SPMIP2: variants seen among roughly 807,000 people sequenced by gnomAD.
SPMIP2 encodes the protein sperm microtubule inner protein 2, also known as protein SPMIP2.
chr4:159,002,668 T>C, the SPMIP2 span, among the ~76,000 whole-genome samples: 1 of 152,210 alleles, frequency 6.6e-6, no homozygotes, highest in African/African-American at 2.4e-5. Flanking sequence ...TCAATTGTTT[T>C]TGTATATGGA....
At chr4:159,019,579 T>C in the SPMIP2 span, among the ~76,000 whole-genome samples, 1 of 152,140 alleles carries the variant, frequency 6.6e-6, no homozygotes, top group Non-Finnish European at 1.5e-5. Flanking sequence ...GTCATGGCAC[T>C]GGAGAGGCTG....
chr4:159,048,857 A>G, the SPMIP2 span, among the ~76,000 whole-genome samples: 19,712 of 150,650 alleles, frequency 0.13, 1,314 homozygotes, highest in Non-Finnish European at 0.15. Flanking sequence ...GATATGCGAC[A>G]CCATCCTAGG....
At chr4:158,989,079 G>C in the SPMIP2 span, among the ~76,000 whole-genome samples, 13 of 151,634 alleles carry the variant, frequency 8.6e-5, no homozygotes, top group Non-Finnish European at 1.3e-4. Context: ...AAGCATTCCT[G>C]TACACCAATA....
At chr4:159,033,240 A>G in the SPMIP2 span, among the ~76,000 whole-genome samples, 1 of 152,110 alleles carries the variant, frequency 6.6e-6, no homozygotes, top group Non-Finnish European at 1.5e-5. Context: ...GACATTCAAG[A>G]AAAGGCAAAA....
chr4:159,081,927 T>C, the SPMIP2 span, among the ~76,000 whole-genome samples: 6 of 152,282 alleles, frequency 3.9e-5, no homozygotes, highest in Non-Finnish European at 7.4e-5. Context: ...TACAGATTAT[T>C]GGATTCTTGA....
At chr4:158,952,004 G>T in the SPMIP2 span, among the ~76,000 whole-genome samples, 1 of 152,152 alleles carries the variant, frequency 6.6e-6, no homozygotes, top group Non-Finnish European at 1.5e-5. Flanking sequence ...TATTTACTTT[G>T]TACAGCACAC....
the SPMIP2 span, among the ~76,000 whole-genome samples, chr4:159,069,586 C>A: frequency 6.6e-6 from 1 of 150,984 alleles, no homozygotes; most frequent in Non-Finnish European, 1.5e-5. Flanking sequence ...AGGCAAGTGC[C>A]ACCACACCTG....
chr4:158,935,759 T>G, the SPMIP2 span, among the ~76,000 whole-genome samples: 1 of 152,196 alleles, frequency 6.6e-6, no homozygotes, highest in East Asian at 1.9e-4. Context: ...TAAAATAGGC[T>G]TCAGCCTTCA....
chr4:158,921,846 A>G, the SPMIP2 span, among the ~76,000 whole-genome samples: 38 of 150,504 alleles, frequency 2.5e-4, 1 homozygote, highest in East Asian at 7.4e-3. Context: ...AACTTCTTCT[A>G]CTACAGTGAT....
chr4:158,995,674 T>C, the SPMIP2 span, among the ~76,000 whole-genome samples: 2 of 152,110 alleles, frequency 1.3e-5, no homozygotes, highest in South Asian at 2.1e-4. Context: ...CTGGCCAACA[T>C]AGTGAAACCC....
the SPMIP2 span, among the ~76,000 whole-genome samples, chr4:159,062,701 C>CTCTCTT: frequency 1.4e-5 from 2 of 145,542 alleles, no homozygotes; most frequent in African/African-American, 5.0e-5. Context: ...AACAGGGTCT[C>CTCTCTT]TCTCTCTCTC....
At chr4:158,901,957 G>A in the SPMIP2 span, among the ~76,000 whole-genome samples, 6 of 151,948 alleles carry the variant, frequency 3.9e-5, no homozygotes, top group African/African-American at 1.5e-4. Context: ...AGAGGAGTTT[G>A]TTATTACCCA....
chr4:159,031,262 G>A, the SPMIP2 span, among the ~76,000 whole-genome samples: 2 of 152,170 alleles, frequency 1.3e-5, no homozygotes, highest in South Asian at 2.1e-4. Flanking sequence ...ACTGACTGCA[G>A]TACCATCTAA....
At chr4:158,954,219 A>G in the SPMIP2 span, among the ~76,000 whole-genome samples, 1 of 152,164 alleles carries the variant, frequency 6.6e-6, no homozygotes, top group African/African-American at 2.4e-5. Context: ...GTGGGAGATC[A>G]TTTGAATCAT....
At chr4:158,983,034 T>C in the SPMIP2 span, among the ~76,000 whole-genome samples, 20 of 152,256 alleles carry the variant, frequency 1.3e-4, no homozygotes, top group South Asian at 4.1e-3. Flanking sequence ...CAGGAGCCGA[T>C]GCGATCAACT....
chr4:158,946,629 CA>C, the SPMIP2 span, among the ~76,000 whole-genome samples: 1 of 152,182 alleles, frequency 6.6e-6, no homozygotes, highest in Non-Finnish European at 1.5e-5. Flanking sequence ...AACTGTGCAC[CA>C]ATTAAACCTC....
chr4:158,991,834 T>C, the SPMIP2 span, among the ~76,000 whole-genome samples: 1 of 134,768 alleles, frequency 7.4e-6, no homozygotes, highest in Admixed American at 8.1e-5. Flanking sequence ...TTTTTGGAAT[T>C]GCAGTGTATG....
At chr4:159,006,498 T>G in the SPMIP2 span, among the ~76,000 whole-genome samples, 1 of 152,176 alleles carries the variant, frequency 6.6e-6, no homozygotes, top group Non-Finnish European at 1.5e-5. Context: ...TTGGATCCCT[T>G]TTAAAGTGAG....
At chr4:159,011,519 G>T in the SPMIP2 span, among the ~76,000 whole-genome samples, 6 of 152,254 alleles carry the variant, frequency 3.9e-5, no homozygotes, top group African/African-American at 1.2e-4. Flanking sequence ...GGGAGGCCAA[G>T]GTGGGGTGGT....
Sources: allele counts gnomAD v4.1 joint callset (sites outside exome capture counted in the v4.1 genomes callset), GRCh38; gene constraint gnomAD v4.1.1; transcripts MANE v1.5; gene names NCBI Gene and HGNC (gene_info 2026-07-23, HGNC 2026-07-21).